The following CNTN4 variants were observed in gnomAD, a reference collection of about 807,000 sequenced individuals.
The protein encoded by CNTN4 is contactin 4.
A neutral mutation model predicts 122.5 loss-of-function variants in CNTN4; 77 were observed. The observed-to-expected ratio is 0.63, with a 90% CI of 0.52 to 0.76. The LOEUF (loss-of-function observed/expected upper bound fraction) is 0.76, where lower values mean the gene tolerates loss of function less well. Among genes scored for constraint, CNTN4 ranks in the 30% least tolerant of loss-of-function variants. The pLI is 0.00. For missense variants in CNTN4, 1,256 were observed against 1,259.1 expected (o/e 1.00, Z 0.04); for synonymous variants, 512 against 447.0 (o/e 1.15, Z -1.83).
chr3:2,455,560 C>T (rs762452248), intron 3 of CNTN4, among the ~76,000 whole-genome samples: 1 of 152,012 alleles, frequency 6.6e-6, no homozygotes, highest in South Asian at 2.1e-4. Context: ...GTTTTAACTG[C>T]CCTGGTAGTG....
chr3:2,169,859 CAG>C (rs76585112), intron 2 of CNTN4, among the ~76,000 whole-genome samples: 16,565 of 152,030 alleles, frequency 0.11, 1,161 homozygotes, highest in East Asian at 0.23. Flanking sequence ...AAAATGAAAA[CAG>C]AATTAAGAAT....
intron 3 of CNTN4, among the ~76,000 whole-genome samples, chr3:2,393,030 G>C (rs1433582159): frequency 6.6e-6 from 1 of 152,146 alleles, no homozygotes; most frequent in Non-Finnish European, 1.5e-5. Flanking sequence ...CTGGATGTTA[G>C]AAGGCCAAAA....
At chr3:2,300,301 A>T (rs1459069877) in intron 2 of CNTN4, among the ~76,000 whole-genome samples, 1 of 152,182 alleles carries the variant, frequency 6.6e-6, no homozygotes, top group Non-Finnish European at 1.5e-5. Flanking sequence ...CAATTTAATA[A>T]ATACATTTGC....
chr3:2,829,204 A>C (rs2093050294), intron 7 of CNTN4, among the ~76,000 whole-genome samples: 1 of 152,166 alleles, frequency 6.6e-6, no homozygotes, highest in South Asian at 2.1e-4. Context: ...TAGTTGATTT[A>C]ATCAGCATAG....
At chr3:2,341,943 C>T (rs1033408273) in intron 3 of CNTN4, among the ~76,000 whole-genome samples, 7 of 152,160 alleles carry the variant, frequency 4.6e-5, no homozygotes, top group Non-Finnish European at 4.4e-5. Context: ...CATTTGCTAT[C>T]TTCTAGCCCC....
chr3:2,262,727 T>C (rs1405604610), intron 2 of CNTN4, among the ~76,000 whole-genome samples: 1 of 151,878 alleles, frequency 6.6e-6, no homozygotes, highest in Middle Eastern at 3.2e-3. Context: ...TTTTAAATAC[T>C]ATACTTAGTT....
At chr3:2,133,189 T>C (rs572258343) in intron 2 of CNTN4, among the ~76,000 whole-genome samples, 7 of 152,296 alleles carry the variant, frequency 4.6e-5, no homozygotes, top group Admixed American at 1.3e-4. Flanking sequence ...CTGTCTGTAA[T>C]TAATTCTAGC....
chr3:2,161,977 T>C (rs867890111), intron 2 of CNTN4, among the ~76,000 whole-genome samples: 5 of 152,202 alleles, frequency 3.3e-5, no homozygotes, highest in Non-Finnish European at 5.9e-5. Context: ...CATCCCCAAA[T>C]TAAGGTAAAA....
intron 4 of CNTN4, among the ~76,000 whole-genome samples, chr3:2,631,362 A>G (rs2082420260): frequency 6.6e-6 from 1 of 152,176 alleles, no homozygotes; most frequent in African/African-American, 2.4e-5. Flanking sequence ...TAACCCCCAG[A>G]GATTAGCTGG....
chr3:2,697,095 G>T (rs1413447729), intron 4 of CNTN4, among the ~76,000 whole-genome samples: 1 of 152,144 alleles, frequency 6.6e-6, no homozygotes, highest in Non-Finnish European at 1.5e-5. Context: ...TTAAGAAGAA[G>T]GGTGACAAAT....
At chr3:3,004,458 C>A (rs1055303169) in intron 14 of CNTN4, among the ~76,000 whole-genome samples, 5 of 152,162 alleles carry the variant, frequency 3.3e-5, no homozygotes, top group Admixed American at 2.6e-4. Flanking sequence ...ATATTTAAGG[C>A]AGAGTTACTG....
chr3:2,295,660 T>C (rs537156868), intron 2 of CNTN4, among the ~76,000 whole-genome samples: 1 of 152,324 alleles, frequency 6.6e-6, no homozygotes, highest in East Asian at 1.9e-4. Context: ...TTTCTTTTAC[T>C]GTGCAGAGGT....
intron 3 of CNTN4, among the ~76,000 whole-genome samples, chr3:2,364,277 C>G (rs2045283808): frequency 6.6e-6 from 1 of 152,042 alleles, no homozygotes; most frequent in Admixed American, 6.6e-5. Context: ...GAGTTGTTGT[C>G]TCGATATTTA....
intron 4 of CNTN4, among the ~76,000 whole-genome samples, chr3:2,653,821 G>A (rs1485673609): frequency 6.6e-6 from 1 of 152,150 alleles, no homozygotes; most frequent in African/African-American, 2.4e-5. Context: ...TTGTTTTGCA[G>A]CTTTCTCTTC....
chr3:2,705,821 A>G (rs2086674950), intron 4 of CNTN4, among the ~76,000 whole-genome samples: 1 of 106,778 alleles, frequency 9.4e-6, no homozygotes, highest in Admixed American at 1.4e-4. Flanking sequence ...TATATAATAT[A>G]TAATAAATAT....
intron 3 of CNTN4, among the ~76,000 whole-genome samples, chr3:2,371,740 G>T (rs2045640883): frequency 1.3e-5 from 2 of 152,100 alleles, no homozygotes; most frequent in African/African-American, 4.8e-5. Context: ...CAAGAAAAAG[G>T]TTCTGGAATA....
rs555688752 is a variant in CNTN4, at chr3:2,280,843, A to G, written c.-144-58335A>G. 3.4e-4 allele frequency among the ~76,000 whole-genome samples: 52 copies of G among 152,324 alleles called. No individual in the cohort carries two copies. In the Middle Eastern group the frequency reaches 0.01, roughly 30 times the overall value. ...CCTGACAGAAGTTGGAAACATTATG[A>G]GAATGACACACATGGTTTTTGTTCA... On this transcript the variant is annotated intron_variant, in intron 2 of 24. Transcript: ENST00000418658.
intron 3 of CNTN4, among the ~76,000 whole-genome samples, chr3:2,544,613 C>T (rs1000383995): frequency 3.1e-4 from 47 of 151,830 alleles, no homozygotes; most frequent in African/African-American, 8.5e-4. Context: ...ATTGTGTGTC[C>T]GGGGTTTTAT....
At chr3:2,615,126 T>C (rs2081657215) in intron 4 of CNTN4, among the ~76,000 whole-genome samples, 1 of 152,170 alleles carries the variant, frequency 6.6e-6, no homozygotes. Context: ...CATCACTGTT[T>C]TGGGTTAGCA....
Sources: gnomAD v4.1 joint callset for allele counts (sites outside exome capture counted in the v4.1 genomes callset) on GRCh38, gnomAD v4.1.1 for gene constraint, MANE v1.5 for transcripts, NCBI Gene and HGNC (gene_info 2026-07-23, HGNC 2026-07-21) for gene names.